The following CIMAP2 variants were observed in gnomAD, a reference collection of about 807,000 sequenced individuals.
CIMAP2 encodes ciliary microtubule-associated protein 2.
At chr1:54,842,077 G>C in the CIMAP2 span, 10 of 596,118 alleles carry the variant, frequency 1.7e-5, no homozygotes, top group Non-Finnish European at 3.0e-5. Context: ...CTGGGGACAG[G>C]TATCTTTTGT....
chr1:54,808,833 C>G, the CIMAP2 span, among the ~76,000 whole-genome samples: 1 of 152,046 alleles, frequency 6.6e-6, no homozygotes, highest in Non-Finnish European at 1.5e-5. Context: ...AGGGAGCCAG[C>G]ACAGCAGTTT....
At chr1:54,813,996 G>C in the CIMAP2 span, 11 of 1,564,204 alleles carry the variant, frequency 7.0e-6, no homozygotes, top group Non-Finnish European at 9.5e-6. Flanking sequence ...TCCTATGGCC[G>C]GCCTTCCTCT....
the CIMAP2 span, among the ~76,000 whole-genome samples, chr1:54,836,266 C>T: frequency 1.4e-5 from 2 of 145,700 alleles, no homozygotes. Context: ...TTCGCCCTCC[C>T]GCCTGCCTAC....
chr1:54,807,663 G>C, the CIMAP2 span: 2 of 1,603,920 alleles, frequency 1.2e-6, no homozygotes, highest in East Asian at 4.5e-5. Context: ...TCCAGTACCA[G>C]GCCATCATGA....
the CIMAP2 span, among the ~76,000 whole-genome samples, chr1:54,821,246 T>C: frequency 2.6e-5 from 4 of 152,186 alleles, no homozygotes; most frequent in African/African-American, 9.7e-5. Flanking sequence ...GTCCTATTTG[T>C]GTATTTTTGT....
At chr1:54,822,539 C>T in the CIMAP2 span, among the ~76,000 whole-genome samples, 2 of 152,050 alleles carry the variant, frequency 1.3e-5, no homozygotes, top group Non-Finnish European at 2.9e-5. Context: ...TTGATGTAGG[C>T]ATTTATTGCT....
At chr1:54,825,309 C>T in the CIMAP2 span, among the ~76,000 whole-genome samples, 4 of 152,018 alleles carry the variant, frequency 2.6e-5, no homozygotes, top group Non-Finnish European at 5.9e-5. Flanking sequence ...CCTCGGCCTC[C>T]CAAAGTGCTG....
At chr1:54,811,765 G>GCCGGGGGGGGGGCCC in the CIMAP2 span, 9 of 1,301,318 alleles carry the variant, frequency 6.9e-6, no homozygotes, top group Non-Finnish European at 8.7e-6. Flanking sequence ...GGTTCTGACA[G>GCCGGGGGGGGGGCCC]CCTCCATGCC....
chr1:54,829,261 C>T, the CIMAP2 span, among the ~76,000 whole-genome samples: 1 of 152,212 alleles, frequency 6.6e-6, no homozygotes, highest in African/African-American at 2.4e-5. Flanking sequence ...AAGAGTTACC[C>T]TTTGTCTTCC....
the CIMAP2 span, chr1:54,811,980 G>GCACTCCCA: frequency 1.5e-5 from 24 of 1,614,082 alleles, 1 homozygote; most frequent in East Asian, 4.9e-4. Context: ...TCCTGCAGGG[G>GCACTCCCA]CACTCCCAGG....
At chr1:54,831,929 C>G in the CIMAP2 span, among the ~76,000 whole-genome samples, 1 of 152,240 alleles carries the variant, frequency 6.6e-6, no homozygotes, top group Non-Finnish European at 1.5e-5. Context: ...TCGCTGCAGC[C>G]TTGACCTCCC....
chr1:54,811,766 C>CGGGGGGG, the CIMAP2 span: 25 of 1,305,168 alleles, frequency 1.9e-5, no homozygotes, highest in Non-Finnish European at 2.7e-5. Context: ...GTTCTGACAG[C>CGGGGGGG]CTCCATGCCC....
the CIMAP2 span, among the ~76,000 whole-genome samples, chr1:54,833,075 A>G: frequency 6.6e-6 from 1 of 152,002 alleles, no homozygotes; most frequent in African/African-American, 2.4e-5. Flanking sequence ...CTCCCATTGG[A>G]TCCTCAGCTC....
At chr1:54,819,824 C>CTTTCTTTCTTTCTTTCTT in the CIMAP2 span, among the ~76,000 whole-genome samples, 30 of 100,268 alleles carry the variant, frequency 3.0e-4, no homozygotes, top group Non-Finnish European at 3.9e-4. Flanking sequence ...TTCTTTCTTT[C>CTTTCTTTCTTTCTTTCTT]TCTTTCTTTC....
the CIMAP2 span, among the ~76,000 whole-genome samples, chr1:54,831,653 C>CA: frequency 9.1e-3 from 1,332 of 145,764 alleles, 21 homozygotes; most frequent in African/African-American, 0.032. Context: ...AACTCCATCT[C>CA]AAAAAAAAAG....
chr1:54,822,760 CCTCT>C, the CIMAP2 span, among the ~76,000 whole-genome samples: 1 of 152,202 alleles, frequency 6.6e-6, no homozygotes, highest in African/African-American at 2.4e-5. Flanking sequence ...TCCACTTCAG[CCTCT>C]CAAAGTGCTG....
chr1:54,813,628 C>G, the CIMAP2 span, among the ~76,000 whole-genome samples: 1 of 151,614 alleles, frequency 6.6e-6, no homozygotes, highest in Non-Finnish European at 1.5e-5. Context: ...TGGGGAAAGA[C>G]TGTCTGTTTC....
At chr1:54,842,236 T>G in the CIMAP2 span, 4 of 303,314 alleles carry the variant, frequency 1.3e-5, no homozygotes, top group African/African-American at 6.4e-5. Context: ...CCTTGTTTAT[T>G]AAAGTTCAGA....
chr1:54,813,948 C>A, the CIMAP2 span: 4 of 1,610,108 alleles, frequency 2.5e-6, no homozygotes, highest in Admixed American at 6.8e-5. Context: ...TTTACTGGGC[C>A]AACCTCAGCC....
Sources: allele counts gnomAD v4.1 joint callset (sites outside exome capture counted in the v4.1 genomes callset), GRCh38; gene constraint gnomAD v4.1.1; transcripts MANE v1.5; gene names NCBI Gene and HGNC (gene_info 2026-07-23, HGNC 2026-07-21).